NTN4: variants seen among roughly 807,000 people sequenced by gnomAD.
NTN4 encodes the protein netrin 4, also known as netrin-4.
A neutral mutation model predicts 73.6 loss-of-function variants in NTN4; 32 were observed. That is an observed-to-expected ratio of 0.44 (90% confidence interval 0.33 to 0.58). NTN4 has a LOEUF of 0.58. Ranked by LOEUF, NTN4 falls within the 20% of genes least tolerant of loss-of-function variation. The pLI, the probability that NTN4 is intolerant of heterozygous loss-of-function variation, is 0.04. For missense variants in NTN4, 654 were observed against 798.3 expected (o/e 0.82, Z 2.18); for synonymous variants, 258 against 287.5 (o/e 0.90, Z 1.04).
chr12:95,747,431 G>A (rs954705131), intron 2 of NTN4, among the ~76,000 whole-genome samples: 24 of 151,998 alleles, frequency 1.6e-4, no homozygotes, highest in Admixed American at 1.2e-3. Flanking sequence ...ATCCTCCTGC[G>A]TAGCTGGGAT....
At chr12:95,773,088 C>T (rs1321363358) in intron 2 of NTN4, among the ~76,000 whole-genome samples, 5 of 151,942 alleles carry the variant, frequency 3.3e-5, no homozygotes, top group Admixed American at 6.6e-5. Context: ...CTGCAACCTC[C>T]GCCCTCCGGG....
At chr12:95,755,814 G>T (rs1300698983) in intron 2 of NTN4, among the ~76,000 whole-genome samples, 1 of 152,044 alleles carries the variant, frequency 6.6e-6, no homozygotes, top group Non-Finnish European at 1.5e-5. Flanking sequence ...ATATCTTCAG[G>T]GAAAAGGGAA....
intron 3 of NTN4, among the ~76,000 whole-genome samples, chr12:95,737,304 C>T (rs1486475058): frequency 2.6e-5 from 4 of 152,098 alleles, no homozygotes; most frequent in South Asian, 2.1e-4. Context: ...TCAGAGAGTT[C>T]GTGGTCTCCT....
intron 5 of NTN4, among the ~76,000 whole-genome samples, chr12:95,703,360 G>A (rs577993188): frequency 1.3e-5 from 2 of 152,054 alleles, no homozygotes; most frequent in African/African-American, 4.8e-5. Flanking sequence ...TGGAAATGGG[G>A]AACAAATATA....
chr12:95,710,135 A>G (rs550142399), intron 5 of NTN4, among the ~76,000 whole-genome samples: 1 of 152,296 alleles, frequency 6.6e-6, no homozygotes, highest in African/African-American at 2.4e-5. Flanking sequence ...TAAGATCTTA[A>G]ATAGCTCTCC....
At chr12:95,754,617 C>T (rs2078935130) in intron 2 of NTN4, among the ~76,000 whole-genome samples, 2 of 152,142 alleles carry the variant, frequency 1.3e-5, no homozygotes, top group African/African-American at 4.8e-5. Flanking sequence ...TCCTGCCCCA[C>T]CTTAACTGAG....
At chr12:95,761,779 G>A (rs1171369511) in intron 2 of NTN4, among the ~76,000 whole-genome samples, 1 of 152,090 alleles carries the variant, frequency 6.6e-6, no homozygotes, top group Non-Finnish European at 1.5e-5. Context: ...AATTCTTTAA[G>A]TCTACCTAAT....
At chr12:95,767,522 GGAGA>G (rs924681850) in intron 2 of NTN4, among the ~76,000 whole-genome samples, 1 of 152,170 alleles carries the variant, frequency 6.6e-6, no homozygotes, top group Non-Finnish European at 1.5e-5. Flanking sequence ...CAGTGCTTAT[GGAGA>G]GAAAGTAACA....
intron 5 of NTN4, among the ~76,000 whole-genome samples, chr12:95,694,900 G>A (rs776292006): frequency 3.3e-5 from 5 of 152,162 alleles, no homozygotes; most frequent in Admixed American, 6.5e-5. Flanking sequence ...GCCAAGGCAG[G>A]TAAAATCACT....
chr12:95,735,037 C>G (rs1292108337), intron 3 of NTN4, among the ~76,000 whole-genome samples: 1 of 152,116 alleles, frequency 6.6e-6, no homozygotes, highest in Non-Finnish European at 1.5e-5. Flanking sequence ...GAAACTCCAT[C>G]TCAAAAAACA....
chr12:95,670,826 GGGACTTT>G (rs2078221845), intron 7 of NTN4, among the ~76,000 whole-genome samples: 1 of 2,704 alleles, frequency 3.7e-4, no homozygotes, highest in Non-Finnish European at 5.4e-4. Context: ...GGATTTAAAA[GGGACTTT>G]GAAGAATAAG....
At chr12:95,696,597 A>G (rs2121038524) in intron 5 of NTN4, among the ~76,000 whole-genome samples, 1 of 152,278 alleles carries the variant, frequency 6.6e-6, no homozygotes, top group South Asian at 2.1e-4. Context: ...TTAATAAATG[A>G]ACGTGCATCT....
At chr12:95,663,846 C>T (rs2078157723) in intron 9 of NTN4, among the ~76,000 whole-genome samples, 1 of 152,086 alleles carries the variant, frequency 6.6e-6, no homozygotes, top group Non-Finnish European at 1.5e-5. Context: ...GAGGGTGGCT[C>T]ACATGGTCAA....
intron 3 of NTN4, among the ~76,000 whole-genome samples, chr12:95,724,847 G>A (rs1313148162): frequency 6.6e-6 from 1 of 152,052 alleles, no homozygotes; most frequent in East Asian, 1.9e-4. Context: ...TTCTTCATTT[G>A]ATCTCAGTCT....
At chr12:95,669,076 C>A (rs2078205611) in intron 8 of NTN4, among the ~76,000 whole-genome samples, 1 of 152,092 alleles carries the variant, frequency 6.6e-6, no homozygotes, top group Admixed American at 6.6e-5. Context: ...GGCGTGGTGG[C>A]ATATGCCTGT....
At chr12:95,739,962 C>G (rs1282898448) in intron 2 of NTN4, 1 of 152,270 alleles carries the variant, frequency 6.6e-6, no homozygotes, top group Non-Finnish European at 1.5e-5. Context: ...AACTTTGAAG[C>G]TCTTCTGCTT....
At chr12:95,774,386 A>T (rs1434512617) in intron 2 of NTN4, among the ~76,000 whole-genome samples, 1 of 152,196 alleles carries the variant, frequency 6.6e-6, no homozygotes, top group East Asian at 1.9e-4. Context: ...GCTTCTTGTG[A>T]GAATAAGGGA....
intron 2 of NTN4, among the ~76,000 whole-genome samples, chr12:95,761,994 C>CAT (rs1328174018): frequency 6.6e-6 from 1 of 151,814 alleles, no homozygotes; most frequent in African/African-American, 2.4e-5. Flanking sequence ...TTATAAAATG[C>CAT]ATATATATAC....
chr12:95,726,830 C>T lies in NTN4; in HGVS notation c.864+11036G>A, dbSNP rs552511412. Among the ~76,000 whole-genome samples the T allele has an allele frequency of 4.7e-3, 714 of 152,154 alleles. 4 individuals carry two copies. Among genetic ancestry groups the T allele is most frequent in the Non-Finnish European group, 6.7e-3 (457 of 67,992 alleles). On this transcript the variant is annotated intron_variant, in intron 3 of 9. Coordinates refer to ENST00000343702, the MANE Select transcript of NTN4 (RefSeq NM_021229.4). ...ACTAAAAATACAAAAATTAGCCGGG[C>T]ATGGTGGTAGATGCCTATAATCCCA...
Sources: allele counts gnomAD v4.1 joint callset (sites outside exome capture counted in the v4.1 genomes callset), GRCh38; gene constraint gnomAD v4.1.1; transcripts MANE v1.5; gene names NCBI Gene and HGNC (gene_info 2026-07-23, HGNC 2026-07-21).